COL5A2: variants seen among roughly 807,000 people sequenced by gnomAD.
COL5A2 encodes the protein collagen type V alpha 2 chain.
Under a neutral mutation model 208.2 loss-of-function variants are expected in COL5A2, and 23 were observed. The observed-to-expected ratio is 0.11, with a 90% confidence interval of 0.08 to 0.16. COL5A2 has a LOEUF of 0.16. Among genes scored for constraint, COL5A2 ranks in the 10% least tolerant of loss-of-function variants. The pLI is 1.00. For missense variants in COL5A2, 1,590 were observed against 1,956.4 expected (o/e 0.81, Z 3.53); for synonymous variants, 625 against 628.5 (o/e 0.99, Z 0.08).
chr2:189,175,299 G>T (rs1688654291), intron 1 of COL5A2, among the ~76,000 whole-genome samples: 1 of 152,022 alleles, frequency 6.6e-6, no homozygotes, highest in Admixed American at 6.6e-5. Context: ...ATAAAAGGGG[G>T]CAGGGTGGGG....
intron 1 of COL5A2, among the ~76,000 whole-genome samples, chr2:189,203,006 G>A (rs1234564318): frequency 6.6e-6 from 1 of 152,048 alleles, no homozygotes; most frequent in African/African-American, 2.4e-5. Context: ...GCATTAAAAT[G>A]CTAAAAATGA....
Position 189,051,367 on chromosome 2 carries a change from G to T in COL5A2, c.2884C>A (p.Pro962Thr), listed in dbSNP as rs754018138. The change falls in exon 42 of 54, where the codon CCT becomes ACT. Residue 962 changes from proline to threonine, a missense_variant. Transcript: ENST00000374866. ...RVGDRGPAGP[P>T]GGPGDKGDPG... ...TCCCCTTTGTCTCCTGGGCCACCAGGGGGGCCAGCTGGTCCTCGATCTCCC... is the reference window on the plus strand; with the variant it reads ...TCCCCTTTGTCTCCTGGGCCACCAGTGGGGCCAGCTGGTCCTCGATCTCCC... 2.1e-5 allele frequency: 34 copies of T among 1,613,950 alleles called. 1 individual carries two copies. The East Asian group carries it at 6.9e-4, about 33-fold the overall frequency.
intron 1 of COL5A2, among the ~76,000 whole-genome samples, chr2:189,192,261 T>C (rs1188333006): frequency 6.6e-6 from 1 of 152,074 alleles, no homozygotes; most frequent in African/African-American, 2.4e-5. Context: ...CCTAATATAA[T>C]CAAAGTAATT....
chr2:189,339,250 C>T, the COL5A2 span, among the ~76,000 whole-genome samples: 1 of 151,376 alleles, frequency 6.6e-6, no homozygotes, highest in Admixed American at 6.6e-5. Flanking sequence ...ACTCAGGAGG[C>T]TGAGGCATGA....
chr2:189,366,346 A>G, the COL5A2 span, among the ~76,000 whole-genome samples: 1 of 152,158 alleles, frequency 6.6e-6, no homozygotes, highest in African/African-American at 2.4e-5. Context: ...ACAAAGAGCT[A>G]TTTTGCCCCT....
intron 1 of COL5A2, among the ~76,000 whole-genome samples, chr2:189,129,301 C>T (rs1687666611): frequency 6.6e-6 from 1 of 152,018 alleles, no homozygotes; most frequent in African/African-American, 2.4e-5. Context: ...GCAGGAAAAA[C>T]TCCTTACATT....
the COL5A2 span, among the ~76,000 whole-genome samples, chr2:189,381,034 CG>C: frequency 6.6e-6 from 1 of 151,704 alleles, no homozygotes; most frequent in African/African-American, 2.4e-5. Flanking sequence ...AAAACTAAAC[CG>C]TGGGAATTAC....
the COL5A2 span, among the ~76,000 whole-genome samples, chr2:189,425,935 T>G: frequency 1.3e-5 from 2 of 152,216 alleles, no homozygotes; most frequent in African/African-American, 2.4e-5. Flanking sequence ...GCTTCCTGTA[T>G]AGCCTGTGGA....
In COL5A2 at chr2:189,053,995, C is replaced by T. The variant is rs558964003; in HGVS notation, c.2446-47G>A. On this transcript the variant is annotated intron_variant, in intron 36 of 53. Coordinates refer to ENST00000374866, the MANE Select transcript of COL5A2 (RefSeq NM_000393.5). ...GTTACTGTCCAAAACAGTAGCTAAACATAATTTTAGGACATTGGTCACTGT... is the reference window on the plus strand; with the variant it reads ...GTTACTGTCCAAAACAGTAGCTAAATATAATTTTAGGACATTGGTCACTGT... 2.5e-6 allele frequency: 4 copies of T among 1,581,932 alleles called. No individual in the cohort carries two copies. The African/African-American group carries it at 4.0e-5, about 16-fold the overall frequency.
chr2:189,227,264 G>T (rs1689433796), upstream of COL5A2, among the ~76,000 whole-genome samples: 1 of 152,040 alleles, frequency 6.6e-6, no homozygotes, highest in Non-Finnish European at 1.5e-5. Context: ...TACAGGTTAT[G>T]AATTACCTAA....
rs1686495529 is a variant in COL5A2 at position 189,079,990 on chromosome 2, T to G, written c.948A>C (p.Ala316=). 1.9e-6 allele frequency: 3 copies of G among 1,612,592 alleles called. No homozygotes were observed. Residue 316 remains alanine (A), a synonymous_variant, in exon 14 of 54, where the codon GCA becomes GCC. Transcript: ENST00000374866. Reference sequence around the variant, plus strand: ...ATTATAAGATTACCTTGGAACCAGGTGCTCCAACTTCACCTTTAGGGCCTT... The same window carrying G: ...ATTATAAGATTACCTTGGAACCAGGGGCTCCAACTTCACCTTTAGGGCCTT... ...GLEGPKGEVG[A]PGSKGEAGPT... is the part of the protein sequence containing the mutation.
In COL5A2 at chr2:189,107,545, C is replaced by A. The variant is rs561579065; in HGVS notation, c.322+2680G>T. On this transcript the variant is annotated intron_variant, in intron 2 of 53. Transcript: ENST00000374866. ...TTTTCAACTTCTGTTTTTATCTTTA[C>A]AATTTTTTTCTTCCACTTACTTTCA... 2.0e-4 allele frequency among the ~76,000 whole-genome samples: 30 copies of A among 151,388 alleles called. 1 individual carries two copies. The highest frequency in any genetic ancestry group is 1.3e-3 in the Admixed American group (19 of 15,180).
the COL5A2 span, among the ~76,000 whole-genome samples, chr2:189,411,979 G>C: frequency 6.6e-6 from 1 of 152,054 alleles, no homozygotes; most frequent in Non-Finnish European, 1.5e-5. Context: ...CAAAATAGTG[G>C]GAGTGGAAAA....
intron 17 of COL5A2, among the ~76,000 whole-genome samples, chr2:189,072,321 A>C (rs1686293196): frequency 6.6e-6 from 1 of 152,246 alleles, no homozygotes. Context: ...GATTACTCAA[A>C]TAGCATATAG....
At chr2:189,290,886 G>C in the COL5A2 span, among the ~76,000 whole-genome samples, 2 of 152,006 alleles carry the variant, frequency 1.3e-5, no homozygotes, top group African/African-American at 4.8e-5. Context: ...AGGAGACCTT[G>C]ATGAATTAAG....
intron 1 of COL5A2, among the ~76,000 whole-genome samples, chr2:189,209,965 T>C (rs1267231797): frequency 6.6e-6 from 1 of 152,140 alleles, no homozygotes; most frequent in East Asian, 1.9e-4. Context: ...CATGAAGCCA[T>C]GAAGGCAGAT....
chr2:189,207,091 AT>A (rs1399773251), intron 1 of COL5A2, among the ~76,000 whole-genome samples: 1 of 152,206 alleles, frequency 6.6e-6, no homozygotes, highest in Non-Finnish European at 1.5e-5. Context: ...ATTGGAAAAT[AT>A]TTTTTGAAGT....
intron 46 of COL5A2, 96 bp from the exon 47 acceptor site, chr2:189,045,328 G>A (rs1050963256): frequency 2.0e-5 from 15 of 741,092 alleles, no homozygotes; most frequent in Non-Finnish European, 3.5e-5. Flanking sequence ...ATAGTTGGAT[G>A]CATATATATA....
the COL5A2 span, among the ~76,000 whole-genome samples, chr2:189,396,826 C>T: frequency 6.6e-6 from 1 of 151,736 alleles, no homozygotes; most frequent in Non-Finnish European, 1.5e-5. Flanking sequence ...AACACCGTCT[C>T]TACTAACATA....
Sources: allele counts gnomAD v4.1 joint callset (sites outside exome capture counted in the v4.1 genomes callset), GRCh38; gene constraint gnomAD v4.1.1; transcripts MANE v1.5; gene names NCBI Gene and HGNC (gene_info 2026-07-23, HGNC 2026-07-21).